Variants in ABCE1 observed in about 807,000 individuals in gnomAD.
The protein encoded by ABCE1 is ATP-binding cassette sub-family E member 1.
A neutral mutation model predicts 83.4 loss-of-function variants in ABCE1; 22 were observed. That is an observed-to-expected ratio of 0.26 (90% CI 0.19 to 0.38). The LOEUF (loss-of-function observed/expected upper bound fraction) is 0.38, where lower values mean the gene tolerates loss of function less well. ABCE1 is among the 10% of genes least tolerant of loss of function. ABCE1 has a pLI of 1.00. For synonymous variants in ABCE1, 204 were observed against 233.7 expected, an observed-to-expected ratio of 0.87 and a Z score of 1.16; for missense variants, 330 against 721.9, an observed-to-expected ratio of 0.46 and a Z score of 6.22.
chr4:145,103,710 A>G (rs986856056), intron 1 of ABCE1, among the ~76,000 whole-genome samples: 1 of 150,426 alleles, frequency 6.6e-6, no homozygotes, highest in South Asian at 2.1e-4. Flanking sequence ...TTTCCTGGCT[A>G]TTAATAATTC....
intron 9 of ABCE1, among the ~76,000 whole-genome samples, chr4:145,115,243 G>A (rs1749579534): frequency 6.6e-6 from 1 of 152,022 alleles, no homozygotes; most frequent in East Asian, 1.9e-4. Context: ...GTTGGGGTTG[G>A]GGGCAGGAAG....
chr4:145,121,036 C>T (rs1749728370), intron 11 of ABCE1, 138 bp from the exon 12 acceptor site: 1 of 755,004 alleles, frequency 1.3e-6, no homozygotes, highest in Non-Finnish European at 2.2e-6. Context: ...AAGTATTTTT[C>T]TATATAAACT....
In ABCE1 at chr4:145,129,440, AAC is replaced by A. The variant is rs1749981323; in HGVS notation, c.*1869_*1870del. ...GGAAAAAGTCTCAAATACTTAAAAA[AAC>A]AAAAAACTGGAACAGTTTATTATAC... On this transcript the variant is annotated 3_prime_UTR_variant, in exon 18 of 18. Transcript: ENST00000296577. Among the ~76,000 whole-genome samples, 1 of 152,188 alleles carries A rather than the reference AAC, an allele frequency of 6.6e-6. No individual in the cohort carries two copies. Among genetic ancestry groups the A allele is most frequent in the Non-Finnish European group, 1.5e-5 (1 of 68,032 alleles).
At chr4:145,108,187 G>A (rs970232889) in intron 4 of ABCE1, 75 bp downstream of exon 4, 1 of 1,306,530 alleles carries the variant, frequency 7.7e-7, no homozygotes, top group African/African-American at 1.5e-5. Flanking sequence ...GAGAAGTGCA[G>A]AAATTGGGGG....
At chr4:145,117,458 C>T in intron 10 of ABCE1, 44 bp downstream of exon 10, 2 of 1,581,836 alleles carry the variant, frequency 1.3e-6, no homozygotes, top group Non-Finnish European at 8.6e-7. Flanking sequence ...TTCTCTTCTA[C>T]TCTAATGCTT....
At chr4:145,126,418 C>T (rs574090443) in intron 17 of ABCE1, among the ~76,000 whole-genome samples, 30 of 152,090 alleles carry the variant, frequency 2.0e-4, no homozygotes, top group African/African-American at 6.7e-4. Context: ...CTCAGCCTCC[C>T]GAGTAGCTGG....
chr4:145,120,383 A>G (rs748252257), intron 11 of ABCE1, among the ~76,000 whole-genome samples: 5 of 152,080 alleles, frequency 3.3e-5, no homozygotes, highest in Non-Finnish European at 5.9e-5. Flanking sequence ...ACCTCTAGTG[A>G]AAATAAGGTG....
At chr4:145,105,527 C>A (rs777837768) in intron 2 of ABCE1, 78 bp from the exon 3 acceptor site, 9 of 944,510 alleles carry the variant, frequency 9.5e-6, no homozygotes, top group Non-Finnish European at 1.4e-5. Flanking sequence ...AATTTAGAAC[C>A]AGCATTGCCT....
intron 10 of ABCE1, 92 bp downstream of exon 10, chr4:145,117,506 G>T: frequency 8.1e-7 from 1 of 1,234,778 alleles, no homozygotes. Flanking sequence ...TTTTACATTG[G>T]TCTGATATCA....
chr4:145,119,910 T>C (rs772661169), intron 10 of ABCE1, 22 bp from the exon 11 acceptor site: 16 of 1,586,804 alleles, frequency 1.0e-5, no homozygotes, highest in Non-Finnish European at 1.3e-5. Flanking sequence ...TTTCTCCCGG[T>C]TGACAATTTT....
chr4:145,101,508 T>C (rs1560955592), intron 1 of ABCE1, among the ~76,000 whole-genome samples: 1 of 152,234 alleles, frequency 6.6e-6, no homozygotes, highest in African/African-American at 2.4e-5. Context: ...GCTTACTCTT[T>C]AAAAGGCTTC....
intron 4 of ABCE1, 33 bp from the exon 5 acceptor site, chr4:145,109,099 A>G (rs1257788841): frequency 1.4e-6 from 2 of 1,438,220 alleles, no homozygotes; most frequent in Admixed American, 1.8e-5. Context: ...TGTAAATCTG[A>G]GTTGTTTTAT....
At chr4:145,115,098 G>T (rs1749576886) in intron 9 of ABCE1, among the ~76,000 whole-genome samples, 1 of 151,800 alleles carries the variant, frequency 6.6e-6, no homozygotes, top group Non-Finnish European at 1.5e-5. Context: ...TAACTGTAGG[G>T]TATACATTTT....
At chr4:145,123,916 T>A in intron 16 of ABCE1, 1 of 183,728 alleles carries the variant, frequency 5.4e-6, no homozygotes, top group East Asian at 1.2e-4. Context: ...TGAAAACTAT[T>A]GCTTTCATAC....
rs1450661107 is a variant in ABCE1, at chr4:145,110,884, A to C, written c.614-84A>C. 3.5e-6 allele frequency: 3 copies of C among 862,336 alleles called. No individual in the cohort carries two copies. The African/African-American group carries it at 5.2e-5, about 15-fold the overall frequency. 53.4% of individuals were successfully genotyped at this position (862,336 alleles called of 1,614,324 possible). Reference sequence around the variant, plus strand: ...ACAATTTTCAACTGAAATAGCATTCAAACTTCAAATGATGACATGCAGTAT... The same window carrying C: ...ACAATTTTCAACTGAAATAGCATTCCAACTTCAAATGATGACATGCAGTAT... On this transcript the variant is annotated intron_variant, in intron 7 of 17. Transcript: ENST00000296577.
Sources: gnomAD v4.1 joint callset for allele counts (sites outside exome capture counted in the v4.1 genomes callset) on GRCh38, gnomAD v4.1.1 for gene constraint, MANE v1.5 for transcripts, NCBI Gene and HGNC (gene_info 2026-07-23, HGNC 2026-07-21) for gene names.